The following ELAVL2 variants were observed in gnomAD, a reference collection of about 807,000 sequenced individuals.
ELAVL2 encodes the protein ELAV-like protein 2.
ELAVL2 carries 4 observed loss-of-function variants against 34.6 expected under a neutral mutation model. That is an observed-to-expected ratio of 0.12 (90% CI 0.06 to 0.26). The LOEUF is 0.26. Ranked by LOEUF, ELAVL2 falls within the 10% of genes least tolerant of loss-of-function variation. ELAVL2 has a pLI of 1.00. For synonymous variants in ELAVL2, 193 were observed against 154.8 expected, an observed-to-expected ratio of 1.25 and a Z score of -1.83; for missense variants, 432 against 442.8, an observed-to-expected ratio of 0.98 and a Z score of 0.22.
intron 1 of ELAVL2, among the ~76,000 whole-genome samples, chr9:23,787,232 T>C (rs1044630047): frequency 6.6e-6 from 1 of 151,830 alleles, no homozygotes; most frequent in Non-Finnish European, 1.5e-5. Context: ...GTGATCCTAA[T>C]AACTTAATAA....
intron 1 of ELAVL2, among the ~76,000 whole-genome samples, chr9:23,777,633 G>C (rs748580096): frequency 7.0e-6 from 1 of 143,182 alleles, no homozygotes; most frequent in Non-Finnish European, 1.6e-5. Flanking sequence ...AGTGGGAAAC[G>C]GGGGGTATCA....
At chr9:23,826,535 G>A (rs1008832866), upstream of ELAVL2, among the ~76,000 whole-genome samples, 24 of 152,216 alleles carry the variant, frequency 1.6e-4, no homozygotes, top group Non-Finnish European at 3.4e-4. Context: ...GTGCGGGGAG[G>A]TACACTCTTA....
chr9:23,797,884 C>T (rs559677070), intron 1 of ELAVL2, among the ~76,000 whole-genome samples: 27 of 151,998 alleles, frequency 1.8e-4, no homozygotes, highest in African/African-American at 6.0e-4. Flanking sequence ...GCTGAAATCA[C>T]GCCATTGCAC....
chr9:23,745,504 G>C (rs1056494665), intron 2 of ELAVL2, among the ~76,000 whole-genome samples: 1 of 151,762 alleles, frequency 6.6e-6, no homozygotes, highest in African/African-American at 2.4e-5. Flanking sequence ...ATTCTTTTTT[G>C]AACAATTACA....
At chr9:23,831,483 T>C in the ELAVL2 span, 1 of 152,420 alleles carries the variant, frequency 6.6e-6, no homozygotes, top group Admixed American at 6.5e-5. Flanking sequence ...GGAGTTTGTA[T>C]CAGAAGAAGA....
intron 1 of ELAVL2, among the ~76,000 whole-genome samples, chr9:23,809,544 T>G (rs1282784467): frequency 1.3e-5 from 2 of 152,168 alleles, no homozygotes; most frequent in Non-Finnish European, 2.9e-5. Context: ...GAGATTGAAA[T>G]TCTAGTAAGA....
At chr9:23,765,148 G>T (rs572937568) in intron 1 of ELAVL2, 3 of 1,512,364 alleles carry the variant, frequency 2.0e-6, no homozygotes, top group East Asian at 2.3e-5. Flanking sequence ...GCAAGATAAT[G>T]CAACAAATCA....
chr9:23,782,523 G>A (rs1251772876), intron 1 of ELAVL2, among the ~76,000 whole-genome samples: 2 of 152,132 alleles, frequency 1.3e-5, no homozygotes, highest in Non-Finnish European at 2.9e-5. Flanking sequence ...AATGAGCCAA[G>A]ATCCTGCCAC....
At chr9:23,759,006 G>T (rs757912149) in intron 2 of ELAVL2, among the ~76,000 whole-genome samples, 1 of 151,996 alleles carries the variant, frequency 6.6e-6, no homozygotes, top group African/African-American at 2.4e-5. Context: ...AAAATGGTAT[G>T]AAAGTTCCTC....
intron 1 of ELAVL2, among the ~76,000 whole-genome samples, chr9:23,806,312 A>G (rs1564541321): frequency 6.6e-6 from 1 of 152,172 alleles, no homozygotes; most frequent in African/African-American, 2.4e-5. Flanking sequence ...TTTAATCTTC[A>G]TTTTAAAGAC....
chr9:23,702,773 GAA>G (rs1363176833), intron 4 of ELAVL2, among the ~76,000 whole-genome samples: 1 of 151,628 alleles, frequency 6.6e-6, no homozygotes, highest in Non-Finnish European at 1.5e-5. Flanking sequence ...GGCTGAATAA[GAA>G]AATTGCAGGG....
chr9:23,822,451 T>C (rs1378898599), intron 1 of ELAVL2, among the ~76,000 whole-genome samples: 1 of 152,128 alleles, frequency 6.6e-6, no homozygotes, highest in Non-Finnish European at 1.5e-5. Flanking sequence ...CGCATCCTTC[T>C]ATCGCCCCCC....
At chr9:23,731,767 C>T (rs1024013056) in intron 2 of ELAVL2, among the ~76,000 whole-genome samples, 1 of 151,986 alleles carries the variant, frequency 6.6e-6, no homozygotes, top group Non-Finnish European at 1.5e-5. Flanking sequence ...ACAGGGATGA[C>T]ATCGAAGACA....
the ELAVL2 span, among the ~76,000 whole-genome samples, chr9:23,832,784 C>A: frequency 1.3e-5 from 2 of 152,082 alleles, no homozygotes; most frequent in Non-Finnish European, 2.9e-5. Flanking sequence ...TCTCAGAATG[C>A]ATTTAACTGA....
intron 5 of ELAVL2, among the ~76,000 whole-genome samples, chr9:23,694,549 T>TG (rs1266265337): frequency 6.6e-6 from 1 of 152,016 alleles, no homozygotes; most frequent in African/African-American, 2.4e-5. Context: ...GGACTGGGGG[T>TG]GGGGGTGAGA....
intron 3 of ELAVL2, among the ~76,000 whole-genome samples, chr9:23,729,395 C>A (rs975925034): frequency 9.9e-5 from 15 of 152,050 alleles, no homozygotes; most frequent in African/African-American, 3.6e-4. Context: ...AAAGAGCACA[C>A]GGTCTGACGG....
rs1171670233 is a variant in ELAVL2 at position 23,692,394 on chromosome 9, T to C, written c.*163A>G. On this transcript the variant is annotated 3_prime_UTR_variant, in exon 7 of 7. Transcript: ENST00000397312. Reference sequence around the variant, plus strand: ...GATATTTAAGAAGTTTTAATTCAAATACTAGCAATAAAAAATCTCACATAT... The same window carrying C: ...GATATTTAAGAAGTTTTAATTCAAACACTAGCAATAAAAAATCTCACATAT... The C allele has an allele frequency of 6.9e-6, 5 of 724,194 alleles. No homozygotes were observed. Among genetic ancestry groups the C allele is most frequent in the African/African-American group, 1.8e-5 (1 of 56,084 alleles). 44.9% of individuals were successfully genotyped at this position (724,194 alleles called of 1,614,324 possible).
chr9:23,827,410 A>G (rs1337310415), upstream of ELAVL2, among the ~76,000 whole-genome samples: 1 of 152,206 alleles, frequency 6.6e-6, no homozygotes, highest in East Asian at 1.9e-4. Context: ...GGTCCTCAGG[A>G]TCGTCTGGAT....
At chr9:23,781,541 A>T (rs1433405072) in intron 1 of ELAVL2, among the ~76,000 whole-genome samples, 2 of 144,168 alleles carry the variant, frequency 1.4e-5, no homozygotes, top group South Asian at 4.4e-4. Context: ...TTTTGAAGAT[A>T]GGTTCTAATT....
Sources: allele counts gnomAD v4.1 joint callset (sites outside exome capture counted in the v4.1 genomes callset), GRCh38; gene constraint gnomAD v4.1.1; transcripts MANE v1.5; gene names NCBI Gene and HGNC (gene_info 2026-07-23, HGNC 2026-07-21).